CCDC171: variants seen among roughly 807,000 people sequenced by gnomAD.
The protein encoded by CCDC171 is coiled-coil domain containing 171.
Under a neutral mutation model 168.2 loss-of-function variants are expected in CCDC171, and 177 were observed. The observed-to-expected ratio is 1.05, with a 90% confidence interval of 0.93 to 1.19. The LOEUF (loss-of-function observed/expected upper bound fraction) is 1.19. Among genes scored for constraint, CCDC171 ranks in the 50% most tolerant of loss-of-function variants. The pLI is 0.00. For missense variants in CCDC171, 1,991 were observed against 1,539.0 expected (o/e 1.29, Z -4.91); for synonymous variants, 687 against 540.8 (o/e 1.27, Z -3.75).
At chr9:16,107,328 G>A in the CCDC171 span, among the ~76,000 whole-genome samples, 3 of 151,980 alleles carry the variant, frequency 2.0e-5, no homozygotes, top group East Asian at 1.9e-4. Context: ...CATGAAATTC[G>A]AATACCCAAA....
At chr9:16,059,578 A>T (rs916314242) in intron 1 of CCDC171, among the ~76,000 whole-genome samples, 1 of 134,166 alleles carries the variant, frequency 7.5e-6, no homozygotes, top group Non-Finnish European at 1.5e-5. Context: ...GCAGTGGCGC[A>T]ATCTCGGCTC....
chr9:15,651,027 C>T (rs1458758048), intron 7 of CCDC171, among the ~76,000 whole-genome samples: 2 of 152,156 alleles, frequency 1.3e-5, no homozygotes, highest in Non-Finnish European at 2.9e-5. Flanking sequence ...ACACCCTTTC[C>T]AGCCTCTGAT....
chr9:15,808,554 T>A (rs1167471961), intron 21 of CCDC171, among the ~76,000 whole-genome samples: 1 of 152,172 alleles, frequency 6.6e-6, no homozygotes, highest in Non-Finnish European at 1.5e-5. Flanking sequence ...TATAATTTAT[T>A]GTTGAACAAT....
the CCDC171 span, among the ~76,000 whole-genome samples, chr9:16,105,597 G>A: frequency 2.6e-5 from 4 of 152,292 alleles, no homozygotes; most frequent in South Asian, 2.1e-4. Flanking sequence ...AACCCGTCAC[G>A]GGCCTCTCTG....
chr9:15,856,893 A>G (rs1265856450), intron 23 of CCDC171, among the ~76,000 whole-genome samples: 2 of 151,936 alleles, frequency 1.3e-5, no homozygotes, highest in Admixed American at 6.6e-5. Flanking sequence ...ATTTTTTGTA[A>G]TAGTCATCCT....
rs1420695669 is a variant in CCDC171 at position 15,971,604 on chromosome 9, C to G, written c.3754-5C>G. 1.2e-6 allele frequency: 2 copies of G among 1,604,610 alleles called. No individual in the cohort carries two copies. Among genetic ancestry groups the G allele is most frequent in the Non-Finnish European group, 1.7e-6 (2 of 1,172,978 alleles). On this transcript the variant is annotated splice_region_variant and splice_polypyrimidine_tract_variant and intron_variant, in intron 25 of 25. Coordinates refer to ENST00000380701, the MANE Select transcript of CCDC171 (RefSeq NM_173550.4). Reference sequence around the variant, plus strand: ...TTTATTATTTTTTTCTTTTGTATGTCACAGATAGGATCACGAGACCATTCA... The same window carrying G: ...TTTATTATTTTTTTCTTTTGTATGTGACAGATAGGATCACGAGACCATTCA...
chr9:15,837,612 C>G (rs181490606), intron 21 of CCDC171, among the ~76,000 whole-genome samples: 1 of 152,304 alleles, frequency 6.6e-6, no homozygotes, highest in East Asian at 1.9e-4. Flanking sequence ...GAGTCCATCC[C>G]TCTGCCTTGT....
intron 24 of CCDC171, among the ~76,000 whole-genome samples, chr9:15,877,905 G>A (rs754509350): frequency 3.3e-5 from 5 of 152,008 alleles, no homozygotes; most frequent in Non-Finnish European, 4.4e-5. Context: ...TTTTCATTTC[G>A]ATTCAGTAGT....
chr9:15,626,970 A>G (rs2045188261), intron 7 of CCDC171, among the ~76,000 whole-genome samples: 1 of 152,168 alleles, frequency 6.6e-6, no homozygotes, highest in Non-Finnish European at 1.5e-5. Context: ...TTTGTAGGCT[A>G]TTAATTATTG....
chr9:15,789,718 A>G (rs2058149499), intron 21 of CCDC171, among the ~76,000 whole-genome samples: 1 of 151,746 alleles, frequency 6.6e-6, no homozygotes, highest in African/African-American at 2.4e-5. Flanking sequence ...AGTCATTTAC[A>G]TTAGGTATAT....
At chr9:15,885,486 C>T (rs947160722) in intron 24 of CCDC171, 1 of 152,068 alleles carries the variant, frequency 6.6e-6, no homozygotes, top group Non-Finnish European at 1.5e-5. Flanking sequence ...CTTTCAAGTG[C>T]TATAACCAGA....
chr9:15,768,404 C>T (rs2056846975), intron 18 of CCDC171, among the ~76,000 whole-genome samples: 1 of 152,070 alleles, frequency 6.6e-6, no homozygotes, highest in African/African-American at 2.4e-5. Flanking sequence ...TTTATCCCAG[C>T]CCCATTGCTG....
chr9:16,010,016 T>C (rs961346577), intron 3 of CCDC171, among the ~76,000 whole-genome samples: 1 of 152,170 alleles, frequency 6.6e-6, no homozygotes, highest in South Asian at 2.1e-4. Context: ...TCAGAAAACA[T>C]AGAACCATTT....
At chr9:15,699,942 T>C (rs1360136159) in intron 11 of CCDC171, among the ~76,000 whole-genome samples, 2 of 152,334 alleles carry the variant, frequency 1.3e-5, no homozygotes, top group African/African-American at 4.8e-5. Flanking sequence ...ATAAAGATTC[T>C]CCACGTCCCC....
At chr9:15,897,960 TAGC>T (rs762442141) in intron 24 of CCDC171, among the ~76,000 whole-genome samples, 1 of 152,310 alleles carries the variant, frequency 6.6e-6, no homozygotes, top group Non-Finnish European at 1.5e-5. Context: ...ACAAGGTACT[TAGC>T]ATCACTGAAC....
At chr9:15,643,906 C>T (rs2046833300) in intron 7 of CCDC171, among the ~76,000 whole-genome samples, 1 of 152,122 alleles carries the variant, frequency 6.6e-6, no homozygotes, top group Non-Finnish European at 1.5e-5. Flanking sequence ...TTTATTGGTA[C>T]TTCATTCCAT....
At chr9:15,577,488 C>G (rs1011866745) in intron 3 of CCDC171, among the ~76,000 whole-genome samples, 1 of 152,190 alleles carries the variant, frequency 6.6e-6, no homozygotes, top group African/African-American at 2.4e-5. Flanking sequence ...CTGTAGATCA[C>G]TAGAATCCCA....
intron 2 of CCDC171, among the ~76,000 whole-genome samples, chr9:15,566,305 C>T (rs1214960113): frequency 3.3e-5 from 5 of 151,990 alleles, no homozygotes; most frequent in African/African-American, 1.2e-4. Context: ...TGCCTGTAAT[C>T]CCAGCACTTT....
intron 19 of CCDC171, among the ~76,000 whole-genome samples, chr9:15,778,632 T>A (rs78770153): frequency 9.9e-6 from 1 of 100,638 alleles, no homozygotes; most frequent in African/African-American, 4.4e-5. Context: ...GCCTACAGAG[T>A]AAGACTGTCT....
Sources: allele counts gnomAD v4.1 joint callset (sites outside exome capture counted in the v4.1 genomes callset), GRCh38; gene constraint gnomAD v4.1.1; transcripts MANE v1.5; gene names NCBI Gene and HGNC (gene_info 2026-07-23, HGNC 2026-07-21).